The following CLEC16A variants were observed in gnomAD, a reference collection of about 807,000 sequenced individuals.
CLEC16A encodes C-type lectin domain containing 16A, also known as protein CLEC16A.
Under a neutral mutation model 109.5 loss-of-function variants are expected in CLEC16A, and 51 were observed. The ratio of observed to expected loss-of-function variants is 0.47; its 90% CI spans 0.37 to 0.59. CLEC16A has a LOEUF of 0.59. Ranked by LOEUF, CLEC16A falls within the 20% of genes least tolerant of loss-of-function variation. The pLI, the probability that CLEC16A is intolerant of heterozygous loss-of-function variation, is 0.00. For synonymous variants in CLEC16A, 673 were observed against 564.2 expected (o/e 1.19, Z -2.73); for missense variants, 1,339 against 1,394.0 (o/e 0.96, Z 0.63).
At chr16:11,091,625 C>T (rs1567305237) in intron 19 of CLEC16A, among the ~76,000 whole-genome samples, 1 of 152,204 alleles carries the variant, frequency 6.6e-6, no homozygotes, top group South Asian at 2.1e-4. Context: ...TTCAAGCTAC[C>T]TCTGCTGCTT....
Position 11,078,633 on chromosome 16 carries a change from A to C in CLEC16A, c.2116+17611A>C, listed in dbSNP as rs2049525126. 5.9e-5 allele frequency among the ~76,000 whole-genome samples: 9 copies of C among 152,236 alleles called. No homozygotes were observed. The South Asian group carries it at 1.9e-3, about 32-fold the overall frequency. On this transcript the variant is annotated intron_variant, in intron 19 of 23. Coordinates refer to ENST00000409790, the MANE Select transcript of CLEC16A (RefSeq NM_015226.3). ...TCTCAATGAGGAGTGGGTCCGGCACAGCCAGTCTGAACTGCAGGGCTGCAG... is the reference window on the plus strand; with the variant it reads ...TCTCAATGAGGAGTGGGTCCGGCACCGCCAGTCTGAACTGCAGGGCTGCAG...
At chr16:10,948,961 G>A (rs1333367969) in intron 1 of CLEC16A, among the ~76,000 whole-genome samples, 1 of 152,174 alleles carries the variant, frequency 6.6e-6, no homozygotes, top group African/African-American at 2.4e-5. Flanking sequence ...AAGGTCTCAT[G>A]CCACCCCTGA....
chr16:11,122,211 C>T (rs138739910), intron 20 of CLEC16A, among the ~76,000 whole-genome samples: 1 of 152,196 alleles, frequency 6.6e-6, no homozygotes, highest in Admixed American at 6.5e-5. Flanking sequence ...ACTGTTACAG[C>T]CTCTTCCCCA....
Position 11,039,750 on chromosome 16 carries a change from C to T in CLEC16A, c.1538-4C>T. ...TCCACTTACATCCTTCTCCTCTGTT[C>T]CAGGCATGGATCCTGAAAAATTAGA... On this transcript the variant is annotated splice_polypyrimidine_tract_variant and splice_region_variant and intron_variant, in intron 13 of 23. Coordinates refer to ENST00000409790, the MANE Select transcript of CLEC16A (RefSeq NM_015226.3). 2 of 1,595,344 alleles carry T rather than the reference C, an allele frequency of 1.3e-6. No individual in the cohort carries two copies. The highest frequency in any genetic ancestry group is 1.7e-6 in the Non-Finnish European group (2 of 1,170,984).
chr16:11,150,405 T>C (rs1334942478), intron 22 of CLEC16A: 2 of 152,280 alleles, frequency 1.3e-5, no homozygotes, highest in African/African-American at 4.8e-5. Flanking sequence ...TTTTCACGGC[T>C]GCATAGTATT....
At chr16:11,176,719 C>T (rs1462633006) in intron 23 of CLEC16A, among the ~76,000 whole-genome samples, 1 of 152,136 alleles carries the variant, frequency 6.6e-6, no homozygotes, top group Non-Finnish European at 1.5e-5. Context: ...GCCTGGGTGA[C>T]AGAGTGAGAC....
chr16:11,177,565 A>T (rs559651435), intron 23 of CLEC16A, among the ~76,000 whole-genome samples: 5 of 150,854 alleles, frequency 3.3e-5, no homozygotes, highest in African/African-American at 1.2e-4. Flanking sequence ...ATGCCACTGC[A>T]CTCCAGCCTG....
intron 19 of CLEC16A, among the ~76,000 whole-genome samples, chr16:11,091,002 G>A (rs547356266): frequency 5.8e-4 from 88 of 152,054 alleles, no homozygotes; most frequent in Middle Eastern, 3.4e-3. Flanking sequence ...GTCTCACTAC[G>A]TTGCCCAGGC....
intron 2 of CLEC16A, among the ~76,000 whole-genome samples, chr16:10,959,388 A>C (rs947823256): frequency 6.6e-6 from 1 of 151,744 alleles, no homozygotes; most frequent in Non-Finnish European, 1.5e-5. Flanking sequence ...ATCCATGGGG[A>C]ATTTTGTTTT....
chr16:10,979,107 G>T (rs2043178127), intron 8 of CLEC16A, among the ~76,000 whole-genome samples: 2 of 152,172 alleles, frequency 1.3e-5, no homozygotes, highest in African/African-American at 4.8e-5. Context: ...AATGGTGAAA[G>T]GTTTCTCAGA....
chr16:10,963,080 C>T (rs1269302707), intron 3 of CLEC16A, among the ~76,000 whole-genome samples: 1 of 151,914 alleles, frequency 6.6e-6, no homozygotes, highest in Non-Finnish European at 1.5e-5. Context: ...AAAAAAAGTT[C>T]AAGATCAAGT....
intron 22 of CLEC16A, among the ~76,000 whole-genome samples, chr16:11,139,500 C>T (rs569491264): frequency 1.3e-5 from 2 of 152,226 alleles, no homozygotes; most frequent in East Asian, 3.9e-4. Context: ...CAATATTATC[C>T]CAGTGTGATA....
Position 10,977,337 on chromosome 16 carries a change from G to C in CLEC16A, c.841G>C (p.Asp281His). Reference sequence around the variant, plus strand: ...TGAGTTCCTCAACGATGTGCTCACTGACCACCTGCTCAACAGGCTCTTCCT... The same window carrying C: ...TGAGTTCCTCAACGATGTGCTCACTCACCACCTGCTCAACAGGCTCTTCCT... ...NCEFLNDVLTDHLLNRLFLPL... is the reference protein window; with the variant it reads ...NCEFLNDVLTHHLLNRLFLPL... The change falls in exon 8 of 24, where the codon GAC (aspartate) becomes CAC (histidine). Residue 281 changes from aspartate (D) to histidine (H), a missense_variant. Asp to His is a moderately conservative substitution (Grantham distance 81). This residue lies in a region of CLEC16A where 161 missense variants were observed against 267.1 expected (regional missense o/e 0.60). Transcript: ENST00000409790. 1 of 1,613,944 alleles carries C rather than the reference G, an allele frequency of 6.2e-7. No homozygotes were observed. Among genetic ancestry groups the C allele is most frequent in the Non-Finnish European group, 8.5e-7 (1 of 1,179,884 alleles).
intron 13 of CLEC16A, among the ~76,000 whole-genome samples, chr16:11,037,292 C>T (rs754148109): frequency 2.6e-5 from 4 of 152,198 alleles, no homozygotes; most frequent in Non-Finnish European, 5.9e-5. Flanking sequence ...ACCCCACCCA[C>T]CTTCGGGATC....
intron 11 of CLEC16A, among the ~76,000 whole-genome samples, chr16:11,016,018 C>T (rs986300219): frequency 6.6e-6 from 1 of 152,178 alleles, no homozygotes; most frequent in Non-Finnish European, 1.5e-5. Context: ...TAAACACAAG[C>T]AAACCTATAC....
intron 22 of CLEC16A, among the ~76,000 whole-genome samples, chr16:11,129,019 G>T (rs1244509542): frequency 6.6e-6 from 1 of 152,102 alleles, no homozygotes; most frequent in Non-Finnish European, 1.5e-5. Flanking sequence ...ATCTTGGGTG[G>T]TGGCTGTGAG....
At position 11,024,866 on chromosome 16, in the gene CLEC16A, T is replaced by C. The variant is rs866790888; in HGVS notation, c.1482T>C (p.Asp494=). ...MVYHALDSPD[D]DYHALFVLCL... Reference sequence around the variant, plus strand: ...ACCACGCGCTGGACAGCCCGGATGATGATTACCATGCCCTGTTCGTGCTCT... The same window carrying C: ...ACCACGCGCTGGACAGCCCGGATGACGATTACCATGCCCTGTTCGTGCTCT... The change falls in exon 13 of 24, where the codon GAT becomes GAC. Residue 494 remains aspartate (D), a synonymous_variant. Coordinates refer to ENST00000409790, the MANE Select transcript of CLEC16A (RefSeq NM_015226.3). 2 of 1,610,168 alleles carry C rather than the reference T, an allele frequency of 1.2e-6. No homozygotes were observed. Among genetic ancestry groups the C allele is most frequent in the Admixed American group, 1.7e-5 (1 of 59,576 alleles).
intron 19 of CLEC16A, among the ~76,000 whole-genome samples, chr16:11,094,172 C>G (rs1325580376): frequency 6.6e-6 from 1 of 152,174 alleles, no homozygotes; most frequent in Non-Finnish European, 1.5e-5. Flanking sequence ...GTACAGGGCC[C>G]CTTCCCAGCC....
intron 22 of CLEC16A, among the ~76,000 whole-genome samples, chr16:11,160,925 A>C (rs1342181357): frequency 6.6e-6 from 1 of 152,166 alleles, no homozygotes; most frequent in East Asian, 1.9e-4. Context: ...CCTTTTAAAG[A>C]GCTTTCCAGG....
Sources: allele counts gnomAD v4.1 joint callset (sites outside exome capture counted in the v4.1 genomes callset), GRCh38; gene constraint gnomAD v4.1.1; regional missense constraint gnomAD v4.1.1; transcripts MANE v1.5; gene names NCBI Gene and HGNC (gene_info 2026-07-23, HGNC 2026-07-21).